The following PRUNE2 variants were observed in gnomAD, a reference collection of about 807,000 sequenced individuals.
PRUNE2 encodes protein prune homolog 2.
A neutral mutation model predicts 252.0 loss-of-function variants in PRUNE2; 164 were observed. The observed-to-expected ratio is 0.65, with a 90% CI of 0.57 to 0.74. The LOEUF is 0.74. PRUNE2 is among the 30% of genes least tolerant of loss of function. The probability of loss-of-function intolerance (pLI) is 0.00; values close to 1 mark genes in which losing one functional copy is unlikely to be tolerated. For missense variants in PRUNE2, 3,495 were observed against 3,711.0 expected, an observed-to-expected ratio of 0.94 and a Z score of 1.51; for synonymous variants, 1,292 against 1,350.2, an observed-to-expected ratio of 0.96 and a Z score of 0.94.
chr9:76,633,501 A>G (rs1838631444), intron 15 of PRUNE2, among the ~76,000 whole-genome samples: 1 of 151,258 alleles, frequency 6.6e-6, no homozygotes, highest in African/African-American at 2.4e-5. Context: ...GAATCACTTG[A>G]GCATGGGAAG....
chr9:76,799,084 T>C (rs2056345428), intron 6 of PRUNE2, among the ~76,000 whole-genome samples: 2 of 152,204 alleles, frequency 1.3e-5, no homozygotes, highest in South Asian at 4.1e-4. Context: ...CTCACGCCTG[T>C]AATCCCAGCA....
intron 4 of PRUNE2, among the ~76,000 whole-genome samples, chr9:76,831,152 A>C (rs1281364529): frequency 6.6e-6 from 1 of 152,036 alleles, no homozygotes; most frequent in Non-Finnish European, 1.5e-5. Context: ...CATGGTCTCG[A>C]TCTCCTGACC....
At chr9:76,780,776 G>A (rs1421668800) in intron 6 of PRUNE2, among the ~76,000 whole-genome samples, 2 of 152,178 alleles carry the variant, frequency 1.3e-5, no homozygotes, top group Non-Finnish European at 2.9e-5. Context: ...GATGTGGTAG[G>A]TGTTTCCCAC....
At chr9:76,900,030 G>T in intron 1 of PRUNE2, among the ~76,000 whole-genome samples, 1 of 152,206 alleles carries the variant, frequency 6.6e-6, no homozygotes. Context: ...GGTGAAAGCA[G>T]TTTGCCAGCC....
chr9:76,731,284 A>G (rs7852127), intron 6 of PRUNE2, among the ~76,000 whole-genome samples: 1 of 95,532 alleles, frequency 1.0e-5, no homozygotes, highest in African/African-American at 3.9e-5. Context: ...CCCTCTCTCT[A>G]TCTATCTATC....
Position 76,896,665 on chromosome 9 carries a change from T to C in PRUNE2, c.36+9263A>G, listed in dbSNP as rs1477359123. Among the ~76,000 whole-genome samples, 7 of 152,198 alleles carry C rather than the reference T, an allele frequency of 4.6e-5. No homozygotes were observed. In the East Asian group the frequency reaches 1.4e-3, roughly 29 times the overall value. Reference sequence around the variant, plus strand: ...GTGTATCGTGAGCATAATCAACAGTTTTCTGGGGCGCTGCTAAACCAGCAG... The same window carrying C: ...GTGTATCGTGAGCATAATCAACAGTCTTCTGGGGCGCTGCTAAACCAGCAG... On this transcript the variant is annotated intron_variant, in intron 1 of 18. Coordinates refer to ENST00000376718, the MANE Select transcript of PRUNE2 (RefSeq NM_015225.3).
At chr9:76,840,549 G>A (rs1165132436) in intron 4 of PRUNE2, among the ~76,000 whole-genome samples, 1 of 152,162 alleles carries the variant, frequency 6.6e-6, no homozygotes, top group East Asian at 1.9e-4. Flanking sequence ...TAATTATGAT[G>A]CTTTTAAAGA....
At chr9:76,698,191 C>T (rs1041550965) in intron 9 of PRUNE2, among the ~76,000 whole-genome samples, 5 of 151,920 alleles carry the variant, frequency 3.3e-5, no homozygotes, top group Non-Finnish European at 7.4e-5. Context: ...GGATTACAGG[C>T]GTGTGCCACC....
chr9:76,724,303 C>CAA (rs796291956), intron 6 of PRUNE2, among the ~76,000 whole-genome samples: 24 of 69,400 alleles, frequency 3.5e-4, no homozygotes, highest in South Asian at 1.3e-3. Flanking sequence ...GATAGAAATA[C>CAA]AAAAAAAAAA....
At chr9:76,674,505 T>C (rs2134021870) in intron 9 of PRUNE2, among the ~76,000 whole-genome samples, 1 of 152,106 alleles carries the variant, frequency 6.6e-6, no homozygotes, top group Non-Finnish European at 1.5e-5. Flanking sequence ...ATTTACAGAT[T>C]CAATGCCATC....
chr9:76,613,498 A>G lies in PRUNE2; in HGVS notation c.*1072T>C, dbSNP rs1219851650. ...TATTCAAAAAAAATTTTTCCAACCC[A>G]AAATGTAAAAACCATTCTTAGCTTG... is the stretch of plus-strand genomic sequence containing the variant. On this transcript the variant is annotated 3_prime_UTR_variant, in exon 19 of 19. Coordinates refer to ENST00000376718, the MANE Select transcript of PRUNE2 (RefSeq NM_015225.3). The G allele has an allele frequency of 6.6e-6, 1 of 152,236 alleles. No individual in the cohort carries two copies. The highest frequency in any genetic ancestry group is 6.5e-5 in the Admixed American group (1 of 15,290). The allele number at this position is 152,236 out of a possible 1,614,324, so 9.4% of individuals were successfully genotyped here. A position where few individuals can be genotyped will look rare whatever the true frequency, so the allele number is the denominator to read the frequency against.
At chr9:76,658,522 A>C (rs1478773649) in intron 9 of PRUNE2, among the ~76,000 whole-genome samples, 1 of 152,246 alleles carries the variant, frequency 6.6e-6, no homozygotes, top group Non-Finnish European at 1.5e-5. Context: ...ACATTTGCAG[A>C]AATGAAGTGG....
At chr9:76,651,205 C>G (rs1484938729) in intron 11 of PRUNE2, among the ~76,000 whole-genome samples, 1 of 94,328 alleles carries the variant, frequency 1.1e-5, no homozygotes, top group East Asian at 2.9e-4. Context: ...ACCTGTACCC[C>G]AATAACTTAT....
chr9:76,836,158 G>T (rs2058952033), intron 4 of PRUNE2, among the ~76,000 whole-genome samples: 1 of 151,758 alleles, frequency 6.6e-6, no homozygotes, highest in Non-Finnish European at 1.5e-5. Flanking sequence ...TGATGATTCA[G>T]CAATTTAATG....
intron 4 of PRUNE2, among the ~76,000 whole-genome samples, chr9:76,834,385 C>A (rs2058840923): frequency 6.6e-6 from 1 of 152,136 alleles, no homozygotes; most frequent in Non-Finnish European, 1.5e-5. Flanking sequence ...GTAAATTTAG[C>A]AAGTTTGCTG....
At chr9:76,810,881 A>C (rs771073121) in intron 6 of PRUNE2, among the ~76,000 whole-genome samples, 12 of 152,226 alleles carry the variant, frequency 7.9e-5, no homozygotes, top group African/African-American at 2.9e-4. Context: ...AAAAGGGAAC[A>C]ATTTTCCTCT....
At chr9:76,624,222 AAAC>A (rs202187795) in intron 17 of PRUNE2, among the ~76,000 whole-genome samples, 1,587 of 152,332 alleles carry the variant, frequency 0.01, 21 homozygotes, top group African/African-American at 0.034. Context: ...GTACATTAAA[AAAC>A]AACAACAACA....
At chr9:76,845,495 C>T (rs779951568) in intron 4 of PRUNE2, among the ~76,000 whole-genome samples, 23 of 152,126 alleles carry the variant, frequency 1.5e-4, no homozygotes, top group Non-Finnish European at 2.5e-4. Context: ...TCCCATAGAG[C>T]GTTTTTACCG....
At chr9:76,762,574 C>G (rs1012096765) in intron 6 of PRUNE2, among the ~76,000 whole-genome samples, 7 of 152,160 alleles carry the variant, frequency 4.6e-5, no homozygotes, top group African/African-American at 1.7e-4. Flanking sequence ...AATTTTACCC[C>G]CAGCCCCCTG....
Sources: gnomAD v4.1 joint callset for allele counts (sites outside exome capture counted in the v4.1 genomes callset) on GRCh38, gnomAD v4.1.1 for gene constraint, MANE v1.5 for transcripts, NCBI Gene and HGNC (gene_info 2026-07-23, HGNC 2026-07-21) for gene names.